The following FAF1 variants were observed in gnomAD, a reference collection of about 807,000 sequenced individuals.
The protein encoded by FAF1 is FAS-associated factor 1.
A neutral mutation model predicts 92.5 loss-of-function variants in FAF1; 25 were observed. That is an observed-to-expected ratio of 0.27 (90% CI 0.20 to 0.38). The LOEUF (loss-of-function observed/expected upper bound fraction) is 0.38. Ranked by LOEUF, FAF1 falls within the 10% of genes least tolerant of loss-of-function variation. FAF1 has a pLI of 1.00. For synonymous variants in FAF1, 234 were observed against 273.2 expected (o/e 0.86, Z 1.42); for missense variants, 636 against 793.3 (o/e 0.80, Z 2.38).
chr1:50,717,648 C>T (rs1447745871), intron 6 of FAF1, among the ~76,000 whole-genome samples: 1 of 152,258 alleles, frequency 6.6e-6, no homozygotes, highest in East Asian at 1.9e-4. Context: ...ACTAAAATCC[C>T]TTTTCATAGG....
intron 15 of FAF1, among the ~76,000 whole-genome samples, chr1:50,495,911 C>T (rs1646892303): frequency 1.3e-5 from 2 of 152,076 alleles, no homozygotes; most frequent in Non-Finnish European, 1.5e-5. Flanking sequence ...CTGTGGCACA[C>T]TACGTAGTTC....
intron 6 of FAF1, among the ~76,000 whole-genome samples, chr1:50,707,543 CA>C (rs769915972): frequency 1.3e-5 from 2 of 150,402 alleles, no homozygotes; most frequent in Non-Finnish European, 1.5e-5. Context: ...TATTAAAATA[CA>C]AAAAAAAATT....
chr1:50,450,645 T>C (rs1646283716), intron 18 of FAF1, among the ~76,000 whole-genome samples: 1 of 152,180 alleles, frequency 6.6e-6, no homozygotes, highest in Non-Finnish European at 1.5e-5. Context: ...AATCGTCTAT[T>C]TTCTTTAATC....
chr1:50,943,474 G>C (rs1167332876), intron 1 of FAF1, among the ~76,000 whole-genome samples: 1 of 152,130 alleles, frequency 6.6e-6, no homozygotes, highest in African/African-American at 2.4e-5. Context: ...CAAGAAAAAA[G>C]TCCAGGGCAA....
chr1:50,571,383 C>T (rs754218776), intron 12 of FAF1, among the ~76,000 whole-genome samples: 3 of 152,124 alleles, frequency 2.0e-5, no homozygotes, highest in Non-Finnish European at 2.9e-5. Context: ...TGCCATTTAG[C>T]AGCTGTGTGA....
intron 15 of FAF1, among the ~76,000 whole-genome samples, chr1:50,524,687 A>G (rs144547374): frequency 1.2e-3 from 186 of 152,206 alleles, no homozygotes; most frequent in African/African-American, 4.1e-3. Context: ...CAAACATCAG[A>G]TAGTTGTAGG....
intron 1 of FAF1, among the ~76,000 whole-genome samples, chr1:50,934,185 G>T (rs530269918): frequency 6.6e-6 from 1 of 151,856 alleles, no homozygotes. Flanking sequence ...TAATATTACC[G>T]CACCCCATAT....
At chr1:50,665,951 C>T (rs1388558171) in intron 7 of FAF1, among the ~76,000 whole-genome samples, 1 of 151,906 alleles carries the variant, frequency 6.6e-6, no homozygotes, top group Non-Finnish European at 1.5e-5. Flanking sequence ...TCAAGGTGGG[C>T]GGATCCCTTG....
intron 1 of FAF1, among the ~76,000 whole-genome samples, chr1:50,879,648 G>A (rs933594849): frequency 6.6e-6 from 1 of 152,160 alleles, no homozygotes; most frequent in Admixed American, 6.6e-5. Flanking sequence ...ATTGTCTTTT[G>A]AGGCTAGGTA....
At chr1:50,516,887 G>C (rs1039899509) in intron 15 of FAF1, among the ~76,000 whole-genome samples, 1 of 152,270 alleles carries the variant, frequency 6.6e-6, no homozygotes, top group African/African-American at 2.4e-5. Flanking sequence ...CTACTGCTTT[G>C]CAGCATGAAT....
chr1:50,908,868 A>G (rs1644861093), intron 1 of FAF1, among the ~76,000 whole-genome samples: 1 of 152,150 alleles, frequency 6.6e-6, no homozygotes, highest in African/African-American at 2.4e-5. Flanking sequence ...CATTTAGCCC[A>G]TTTACATTTA....
In FAF1 at chr1:50,675,853, G is replaced by T. The variant is rs138443413; in HGVS notation, c.658-20325C>A. Among the ~76,000 whole-genome samples, 1,202 of 152,252 alleles carry T rather than the reference G, an allele frequency of 7.9e-3. 13 individuals are homozygous for T. The highest frequency in any genetic ancestry group is 0.027 in the African/African-American group (1,132 of 41,540). On this transcript the variant is annotated intron_variant, in intron 7 of 18. Transcript: ENST00000396153. ...TAAAGATATCAATAAGGTATAAGAG[G>T]CCATTATAGTAGCTGAAACTACCAT...
chr1:50,932,138 C>A (rs538369376), intron 1 of FAF1, among the ~76,000 whole-genome samples: 44 of 152,168 alleles, frequency 2.9e-4, no homozygotes, highest in Admixed American at 4.6e-4. Context: ...ACACAGCCAA[C>A]CATATCATTC....
At chr1:50,659,498 C>T (rs559941091) in intron 7 of FAF1, among the ~76,000 whole-genome samples, 51 of 152,260 alleles carry the variant, frequency 3.3e-4, no homozygotes, top group African/African-American at 1.1e-3. Context: ...TTGCTTCTGA[C>T]GGAGTTTCAT....
chr1:50,802,656 C>T (rs999577032), intron 2 of FAF1, among the ~76,000 whole-genome samples: 8 of 152,156 alleles, frequency 5.3e-5, no homozygotes, highest in Non-Finnish European at 1.2e-4. Flanking sequence ...AGACAGCTTA[C>T]TGCAGGGTAA....
In FAF1 at chr1:50,754,930, A is replaced by G. The variant is rs538068666; in HGVS notation, c.368-10155T>C. On this transcript the variant is annotated intron_variant, in intron 4 of 18. Transcript: ENST00000396153. ...ACTTGCTCACTATCATGAGAACAGC[A>G]TGGGAAAGACCCACCCCCATGACTC... Among the ~76,000 whole-genome samples the G allele has an allele frequency of 3.9e-5, 6 of 152,216 alleles. No individual in the cohort carries two copies. In the South Asian group the frequency reaches 1.2e-3, roughly 32 times the overall value.
intron 13 of FAF1, among the ~76,000 whole-genome samples, chr1:50,564,226 G>T (rs1295442532): frequency 6.6e-6 from 1 of 151,908 alleles, no homozygotes; most frequent in Admixed American, 6.6e-5. Context: ...TATAATATCA[G>T]ATGGTAGTCC....
chr1:50,460,579 ATG>A lies in FAF1; in HGVS notation c.1869+14883_1869+14884del, dbSNP rs749471763. ...AATGTGTCTTTACATATATGCATGTATGTGTGTGTGTATGTATATATATGTGT... is the reference window on the plus strand; with the variant it reads ...AATGTGTCTTTACATATATGCATGTATGTGTGTGTATGTATATATATGTGT... On this transcript the variant is annotated intron_variant, in intron 18 of 18. Transcript: ENST00000396153. Among the ~76,000 whole-genome samples the A allele has an allele frequency of 3.3e-5, 5 of 151,858 alleles. No individual in the cohort carries two copies. In the South Asian group the frequency reaches 6.2e-4, roughly 19 times the overall value.
At chr1:50,835,852 A>C (rs1345679598) in intron 2 of FAF1, among the ~76,000 whole-genome samples, 1 of 152,132 alleles carries the variant, frequency 6.6e-6, no homozygotes, top group Non-Finnish European at 1.5e-5. Flanking sequence ...ATTTGGGTAG[A>C]TCAAGGCACC....
Sources: gnomAD v4.1 joint callset for allele counts (sites outside exome capture counted in the v4.1 genomes callset) on GRCh38, gnomAD v4.1.1 for gene constraint, MANE v1.5 for transcripts, NCBI Gene and HGNC (gene_info 2026-07-23, HGNC 2026-07-21) for gene names.